Variants in PPM1E observed in about 807,000 individuals in gnomAD.
PPM1E encodes the protein protein phosphatase 1E.
In PPM1E, 20 loss-of-function variants were observed where a neutral mutation model predicts 65.9. The ratio of observed to expected loss-of-function variants is 0.30; its 90% CI spans 0.21 to 0.44. PPM1E has a LOEUF of 0.44. Among genes scored for constraint, PPM1E ranks in the 20% least tolerant of loss-of-function variants. PPM1E has a pLI of 1.00. For synonymous variants in PPM1E, 352 were observed against 374.9 expected, an observed-to-expected ratio of 0.94 and a Z score of 0.70; for missense variants, 713 against 953.1, an observed-to-expected ratio of 0.75 and a Z score of 3.32.
At chr17:58,973,008 G>C (rs1305585918) in intron 6 of PPM1E, 83 bp downstream of exon 6, 6 of 861,456 alleles carry the variant, frequency 7.0e-6, no homozygotes, top group Non-Finnish European at 1.1e-5. Context: ...GGGAACCTGA[G>C]ATGATAATTT....
intron 1 of PPM1E, among the ~76,000 whole-genome samples, chr17:58,894,439 A>G (rs2051386905): frequency 6.6e-6 from 1 of 152,158 alleles, no homozygotes; most frequent in African/African-American, 2.4e-5. Context: ...TGATAGTAAA[A>G]CATGCCATGA....
chr17:58,977,915 G>C (rs1485523303), intron 6 of PPM1E, among the ~76,000 whole-genome samples: 1 of 152,104 alleles, frequency 6.6e-6, no homozygotes, highest in Non-Finnish European at 1.5e-5. Flanking sequence ...GCTAATTTTT[G>C]TATTTTTAGT....
At chr17:58,947,513 G>A (rs1028758453) in intron 1 of PPM1E, among the ~76,000 whole-genome samples, 2 of 150,862 alleles carry the variant, frequency 1.3e-5, no homozygotes, top group African/African-American at 2.4e-5. Flanking sequence ...CTGGGATTAC[G>A]GGTACGAGAC....
chr17:58,759,617 T>G (rs2049803777), intron 1 of PPM1E, among the ~76,000 whole-genome samples: 1 of 152,262 alleles, frequency 6.6e-6, no homozygotes, highest in Admixed American at 6.5e-5. Flanking sequence ...AAAGTCATTA[T>G]TAGAGCTATA....
chr17:58,886,719 A>G (rs1470714701), intron 1 of PPM1E, among the ~76,000 whole-genome samples: 2 of 152,276 alleles, frequency 1.3e-5, no homozygotes, highest in Non-Finnish European at 2.9e-5. Flanking sequence ...GCAATTAAAA[A>G]GAACAAATGA....
intron 1 of PPM1E, among the ~76,000 whole-genome samples, chr17:58,953,195 T>A (rs1229950401): frequency 6.6e-6 from 1 of 152,268 alleles, no homozygotes; most frequent in Admixed American, 6.5e-5. Flanking sequence ...TCTCCCTATA[T>A]GCTTATCTTA....
chr17:58,798,353 T>C (rs1201568023), intron 1 of PPM1E, among the ~76,000 whole-genome samples: 1 of 150,748 alleles, frequency 6.6e-6, no homozygotes, highest in East Asian at 2.0e-4. Context: ...CTCAGCCTCC[T>C]GAGTGGCTGG....
At chr17:58,874,164 A>G (rs1348014095) in intron 1 of PPM1E, among the ~76,000 whole-genome samples, 1 of 152,214 alleles carries the variant, frequency 6.6e-6, no homozygotes, top group East Asian at 1.9e-4. Context: ...GAATTAATTC[A>G]GGAAACATAG....
chr17:58,762,987 G>T (rs1255892949), intron 1 of PPM1E, among the ~76,000 whole-genome samples: 2 of 151,646 alleles, frequency 1.3e-5, no homozygotes, highest in Non-Finnish European at 2.9e-5. Context: ...TGTAGATCTA[G>T]TTCTTTCATT....
At chr17:58,844,546 G>C (rs2050752879) in intron 1 of PPM1E, among the ~76,000 whole-genome samples, 1 of 152,156 alleles carries the variant, frequency 6.6e-6, no homozygotes, top group African/African-American at 2.4e-5. Flanking sequence ...AATAGTGACT[G>C]TTTCCCTCAT....
intron 1 of PPM1E, among the ~76,000 whole-genome samples, chr17:58,792,479 T>A (rs889646671): frequency 6.6e-6 from 1 of 151,556 alleles, no homozygotes; most frequent in East Asian, 1.9e-4. Context: ...TAGCTGGGAC[T>A]ACAGGTGTGC....
intron 1 of PPM1E, among the ~76,000 whole-genome samples, chr17:58,834,203 G>A (rs1461474371): frequency 6.6e-6 from 1 of 151,826 alleles, no homozygotes; most frequent in African/African-American, 2.4e-5. Context: ...ATTGTAAATG[G>A]GATTGCATTG....
intron 1 of PPM1E, among the ~76,000 whole-genome samples, chr17:58,762,770 C>T (rs1158646244): frequency 1.3e-5 from 2 of 151,218 alleles, no homozygotes; most frequent in South Asian, 2.1e-4. Context: ...TAGTGGCGGG[C>T]GCCTGTAGTC....
intron 1 of PPM1E, among the ~76,000 whole-genome samples, chr17:58,857,502 T>C (rs920378633): frequency 2.6e-5 from 4 of 152,074 alleles, no homozygotes; most frequent in Admixed American, 6.6e-5. Flanking sequence ...TCTCTATCTG[T>C]AAGGTTAATA....
intron 1 of PPM1E, among the ~76,000 whole-genome samples, chr17:58,772,876 A>G (rs2049954058): frequency 6.6e-6 from 1 of 152,154 alleles, no homozygotes; most frequent in South Asian, 2.1e-4. Flanking sequence ...ATACCAAATA[A>G]TCAGGAAATA....
intron 1 of PPM1E, among the ~76,000 whole-genome samples, chr17:58,884,509 T>A (rs991704271): frequency 6.6e-6 from 1 of 152,224 alleles, no homozygotes; most frequent in Non-Finnish European, 1.5e-5. Context: ...TTATGTATTT[T>A]AAAATTTGCC....
At chr17:58,823,952 A>T (rs960589941) in intron 1 of PPM1E, among the ~76,000 whole-genome samples, 5 of 151,688 alleles carry the variant, frequency 3.3e-5, no homozygotes, top group Admixed American at 2.0e-4. Flanking sequence ...GGATGATCTC[A>T]ATCTCCTGAC....
At chr17:58,780,602 G>A (rs1278968545) in intron 1 of PPM1E, among the ~76,000 whole-genome samples, 1 of 152,118 alleles carries the variant, frequency 6.6e-6, no homozygotes, top group Non-Finnish European at 1.5e-5. Flanking sequence ...TTTTATTATA[G>A]ATTTGTGGGA....
chr17:58,832,962 A>G (rs899335799), intron 1 of PPM1E, among the ~76,000 whole-genome samples: 4 of 152,016 alleles, frequency 2.6e-5, no homozygotes, highest in African/African-American at 4.8e-5. Context: ...ACAGGCATGC[A>G]TCACTACTCC....
Sources: gnomAD v4.1 joint callset for allele counts (sites outside exome capture counted in the v4.1 genomes callset) on GRCh38, gnomAD v4.1.1 for gene constraint, MANE v1.5 for transcripts, NCBI Gene and HGNC (gene_info 2026-07-23, HGNC 2026-07-21) for gene names.